Variants in GPC6 observed in about 807,000 individuals in gnomAD.
The protein encoded by GPC6 is glypican-6.
In GPC6, 14 loss-of-function variants were observed where a neutral mutation model predicts 55.2. The ratio of observed to expected loss-of-function variants is 0.25; its 90% CI spans 0.17 to 0.40. The LOEUF is 0.40. Among genes scored for constraint, GPC6 ranks in the 10% least tolerant of loss-of-function variants. The pLI is 1.00. For missense variants in GPC6, 641 were observed against 708.5 expected, an observed-to-expected ratio of 0.90 and a Z score of 1.08; for synonymous variants, 278 against 259.6, an observed-to-expected ratio of 1.07 and a Z score of -0.68.
intron 2 of GPC6, among the ~76,000 whole-genome samples, chr13:93,565,179 T>A (rs1279953408): frequency 4.6e-5 from 7 of 152,174 alleles, no homozygotes; most frequent in African/African-American, 1.7e-4. Context: ...TCCATGGACC[T>A]GTGTCTCCAT....
intron 2 of GPC6, among the ~76,000 whole-genome samples, chr13:93,780,137 A>G (rs1255405819): frequency 6.6e-6 from 1 of 152,196 alleles, no homozygotes; most frequent in South Asian, 2.1e-4. Flanking sequence ...AATGAGGATG[A>G]AAACAAATAT....
intron 3 of GPC6, among the ~76,000 whole-genome samples, chr13:93,852,402 G>A (rs990442664): frequency 1.3e-5 from 2 of 151,694 alleles, no homozygotes; most frequent in African/African-American, 2.4e-5. Flanking sequence ...TATCTTTAAG[G>A]CTACAGTCAA....
At chr13:93,616,763 C>T (rs1470074983) in intron 2 of GPC6, among the ~76,000 whole-genome samples, 1 of 152,082 alleles carries the variant, frequency 6.6e-6, no homozygotes. Flanking sequence ...ATTCCCACAA[C>T]CAATCTGTGA....
intron 2 of GPC6, among the ~76,000 whole-genome samples, chr13:93,746,914 A>G (rs1884417602): frequency 6.6e-6 from 1 of 152,252 alleles, no homozygotes; most frequent in Non-Finnish European, 1.5e-5. Context: ...CATGGAAAGA[A>G]GCCTTACGGC....
chr13:93,701,795 C>G (rs560019790), intron 2 of GPC6, among the ~76,000 whole-genome samples: 1 of 152,104 alleles, frequency 6.6e-6, no homozygotes, highest in South Asian at 2.1e-4. Context: ...GAAGAAACGC[C>G]TCATCCTTTC....
chr13:93,622,111 T>C (rs1246664034), intron 2 of GPC6, among the ~76,000 whole-genome samples: 2 of 152,282 alleles, frequency 1.3e-5, no homozygotes, highest in East Asian at 3.9e-4. Context: ...CATGTGTCAC[T>C]TGTCTTTCTG....
At chr13:94,159,780 C>A (rs1217090872) in intron 4 of GPC6, among the ~76,000 whole-genome samples, 2 of 152,160 alleles carry the variant, frequency 1.3e-5, no homozygotes, top group Non-Finnish European at 2.9e-5. Flanking sequence ...GTCACTAGTA[C>A]TAATTAAAAG....
chr13:93,574,458 G>A (rs1439961477), intron 2 of GPC6, among the ~76,000 whole-genome samples: 4 of 152,136 alleles, frequency 2.6e-5, no homozygotes, highest in African/African-American at 7.2e-5. Context: ...TTTGGAGGGA[G>A]TATGGCCCTG....
intron 2 of GPC6, among the ~76,000 whole-genome samples, chr13:93,717,144 G>A (rs1361095233): frequency 3.3e-5 from 5 of 150,516 alleles, no homozygotes; most frequent in Non-Finnish European, 7.4e-5. Flanking sequence ...GCATGGGTGC[G>A]CACACACACA....
intron 2 of GPC6, among the ~76,000 whole-genome samples, chr13:93,605,572 C>T (rs1170513882): frequency 6.6e-6 from 1 of 151,932 alleles, no homozygotes; most frequent in East Asian, 1.9e-4. Context: ...CGTGGTGGCT[C>T]ACGCCTGTAA....
In GPC6 at chr13:93,830,316, T is replaced by C. The variant is rs775706629; in HGVS notation, c.482T>C (p.Leu161Pro). 2 of 1,614,042 alleles carry C rather than the reference T, an allele frequency of 1.2e-6. No homozygotes were observed. The highest frequency in any genetic ancestry group is 1.7e-6 in the Non-Finnish European group (2 of 1,179,964). Reference protein sequence around the residue: ...TGGNVNLEEMLNDFWARLLER... With the variant: ...TGGNVNLEEMPNDFWARLLER... Reference sequence around the variant, plus strand: ...GGTAATGTGAATCTGGAGGAAATGCTCAATGACTTTTGGGCTCGGCTCCTG... The same window carrying C: ...GGTAATGTGAATCTGGAGGAAATGCCCAATGACTTTTGGGCTCGGCTCCTG... The change falls in exon 3 of 9, where the codon CTC becomes CCC. Residue 161 changes from leucine to proline, a missense_variant. Coordinates refer to ENST00000377047, the MANE Select transcript of GPC6 (RefSeq NM_005708.5).
In GPC6 at chr13:93,733,370, G is replaced by A. The variant is rs560871011; in HGVS notation, c.320-96784G>A. ...CTGGCTTTTATATATGGTTCATGAC[G>A]ATGTGTTATATATTGTAAAATCCTC... On this transcript the variant is annotated intron_variant, in intron 2 of 8. Transcript: ENST00000377047. Among the ~76,000 whole-genome samples the A allele has an allele frequency of 2.0e-5, 3 of 151,898 alleles. No homozygotes were observed. In the East Asian group the frequency reaches 5.8e-4, roughly 29 times the overall value.
rs558432727 is a variant in GPC6, at chr13:93,287,279, A to T, written c.160+59663A>T. 2.8e-4 allele frequency among the ~76,000 whole-genome samples: 42 copies of T among 152,304 alleles called. No homozygotes were observed. In the East Asian group the frequency reaches 4.1e-3, roughly 15 times the overall value. On this transcript the variant is annotated intron_variant, in intron 1 of 8. Transcript: ENST00000377047. ...CTTCATAAGAATGTCTAGATCATTTAAAAAGTCGCCAATGAGAACAGAGGA... is the reference window on the plus strand; with the variant it reads ...CTTCATAAGAATGTCTAGATCATTTTAAAAGTCGCCAATGAGAACAGAGGA...
intron 6 of GPC6, among the ~76,000 whole-genome samples, chr13:94,362,274 C>T (rs1879088600): frequency 6.6e-6 from 1 of 152,056 alleles, no homozygotes; most frequent in Non-Finnish European, 1.5e-5. Context: ...AAACATATGT[C>T]TATATTCATC....
At chr13:93,378,158 C>T (rs1159904110) in intron 1 of GPC6, among the ~76,000 whole-genome samples, 1 of 152,082 alleles carries the variant, frequency 6.6e-6, no homozygotes, top group East Asian at 1.9e-4. Context: ...AGTAATTATC[C>T]TGGCAAAGGA....
intron 2 of GPC6, among the ~76,000 whole-genome samples, chr13:93,606,344 C>T (rs1293274458): frequency 6.6e-6 from 1 of 152,170 alleles, no homozygotes; most frequent in Non-Finnish European, 1.5e-5. Context: ...CAAAGTCTAT[C>T]ATGTGAAAGA....
At chr13:93,364,291 G>T (rs1254117550) in intron 1 of GPC6, among the ~76,000 whole-genome samples, 3 of 151,998 alleles carry the variant, frequency 2.0e-5, no homozygotes, top group Non-Finnish European at 4.4e-5. Context: ...ATGATTTTTG[G>T]TTTAGTCACC....
intron 2 of GPC6, among the ~76,000 whole-genome samples, chr13:93,795,971 A>G (rs1374564387): frequency 6.6e-6 from 1 of 151,746 alleles, no homozygotes; most frequent in Non-Finnish European, 1.5e-5. Context: ...GTCACTTGAG[A>G]CCAGGAGTTC....
intron 3 of GPC6, among the ~76,000 whole-genome samples, chr13:93,962,009 A>G (rs1879799625): frequency 6.6e-6 from 1 of 152,154 alleles, no homozygotes; most frequent in Non-Finnish European, 1.5e-5. Context: ...TGTTACATAA[A>G]TCATTCCTAG....
Sources: gnomAD v4.1 joint callset for allele counts (sites outside exome capture counted in the v4.1 genomes callset) on GRCh38, gnomAD v4.1.1 for gene constraint, MANE v1.5 for transcripts, NCBI Gene and HGNC (gene_info 2026-07-23, HGNC 2026-07-21) for gene names.